The following PARD6G variants were observed in gnomAD, a reference collection of about 807,000 sequenced individuals.
PARD6G encodes the protein par-6 family cell polarity regulator gamma, also known as partitioning defective 6 homolog gamma.
A neutral mutation model predicts 10.7 loss-of-function variants in PARD6G; 7 were observed. That is an observed-to-expected ratio of 0.66 (90% CI 0.37 to 1.23). The LOEUF is 1.23. Ranked by LOEUF, PARD6G falls within the 50% of genes most tolerant of loss-of-function variation. The pLI is 0.02. For missense variants in PARD6G, 548 were observed against 571.8 expected, an observed-to-expected ratio of 0.96 and a Z score of 0.42; for synonymous variants, 287 against 269.4, an observed-to-expected ratio of 1.07 and a Z score of -0.64.
At chr18:80,170,161 A>G (rs919875243) in intron 2 of PARD6G, 2 of 152,284 alleles carry the variant, frequency 1.3e-5, no homozygotes, top group African/African-American at 4.8e-5. Context: ...TGCCAGAACA[A>G]TATTTCATTT....
intron 2 of PARD6G, among the ~76,000 whole-genome samples, chr18:80,164,200 G>A (rs2052719886): frequency 6.6e-6 from 1 of 152,210 alleles, no homozygotes; most frequent in Non-Finnish European, 1.5e-5. Context: ...CCTGGCTCTG[G>A]TGCCAGAGAG....
Position 80,160,068 on chromosome 18 carries a change from AC to A in PARD6G, c.833del (p.Gly278ValfsTer114), listed in dbSNP as rs1349544723. ...PPSDGTAGFV[G>X]PPAPRVLQNF... ...TCTGCAGGACGCGCGGGGCGGGGGG[AC>A]CCACGAAGCCCGCGGTGCCGTCCGA... On this transcript the variant is annotated frameshift_variant, in exon 3 of 3. Transcript: ENST00000353265. LOFTEE classifies it low-confidence loss of function (END_TRUNC). The A allele has an allele frequency of 6.4e-7, 1 of 1,567,128 alleles. No homozygotes were observed. Among genetic ancestry groups the A allele is most frequent in the East Asian group, 2.3e-5 (1 of 44,248 alleles).
chr18:80,243,193 GA>G (rs1171538536), intron 1 of PARD6G, among the ~76,000 whole-genome samples: 1 of 152,006 alleles, frequency 6.6e-6, no homozygotes, highest in Non-Finnish European at 1.5e-5. Flanking sequence ...GTTTACTGTG[GA>G]AAAAATTGGG....
intron 2 of PARD6G, chr18:80,176,001 G>A (rs2052805996): frequency 1.2e-5 from 2 of 167,436 alleles, no homozygotes; most frequent in African/African-American, 2.4e-5. Flanking sequence ...TCCTGAGGAG[G>A]TGGCTTCCAA....
In PARD6G at chr18:80,183,969, CTT is replaced by C. The variant is rs1466779936; in HGVS notation, c.295+18739_295+18740del. 5 of 152,182 alleles carry C rather than the reference CTT, an allele frequency of 3.3e-5. No individual in the cohort carries two copies. Among genetic ancestry groups the C allele is most frequent in the Admixed American group, 2.6e-4 (4 of 15,284 alleles). The allele number at this position is 152,182 out of a possible 1,614,324, so 9.4% of individuals were successfully genotyped here. ...CCACACTGTTAGAAGCATTTTAACT[CTT>C]GTTTTTACAAACTTTCTTTTTACAT... On this transcript the variant is annotated intron_variant, in intron 2 of 2. Transcript: ENST00000353265. This position sits in a 1 kb window ranked among gnomAD's most constrained non-coding sequence, Gnocchi z 4.5.
chr18:80,160,316 A>C lies in PARD6G; in HGVS notation c.586T>G (p.Ser196Ala), dbSNP rs1466383185. ...GLEKVPGIFISRMVPGGLAES... is the reference protein window; with the variant it reads ...GLEKVPGIFIARMVPGGLAES... ...GCCAGGCCCCCGGGTACCATGCGCGAGATGAAGATGCCGGGCACCTTCTCC... is the reference window on the plus strand; with the variant it reads ...GCCAGGCCCCCGGGTACCATGCGCGCGATGAAGATGCCGGGCACCTTCTCC... Residue 196 changes from serine (S) to alanine (A), a missense_variant, in exon 3 of 3, where the codon TCG (serine) becomes GCG (alanine). By Grantham distance (99) the Ser-to-Ala change is moderately conservative (BLOSUM62 1). This residue lies in a region of PARD6G where 235 missense variants were observed against 291.9 expected (regional missense o/e 0.81). Coordinates refer to ENST00000353265, the MANE Select transcript of PARD6G (RefSeq NM_032510.4). 1 of 1,612,048 alleles carries C rather than the reference A, an allele frequency of 6.2e-7. No homozygotes were observed. Among genetic ancestry groups the C allele is most frequent in the Non-Finnish European group, 8.5e-7 (1 of 1,179,824 alleles).
chr18:80,225,733 A>C (rs986216815), intron 1 of PARD6G, among the ~76,000 whole-genome samples: 1 of 152,236 alleles, frequency 6.6e-6, no homozygotes, highest in African/African-American at 2.4e-5. Flanking sequence ...TAGTTGGAGA[A>C]GCGTGGGAAA....
In PARD6G at chr18:80,161,142, G is replaced by A. The variant is rs1001249815; in HGVS notation, c.296-536C>T. On this transcript the variant is annotated intron_variant, in intron 2 of 2. Coordinates refer to ENST00000353265, the MANE Select transcript of PARD6G (RefSeq NM_032510.4). The surrounding 1 kb of genome is among the most constrained non-coding windows in gnomAD (Gnocchi z 4.6). ...GGCCCCTGAATGTGTCACTCAGTCG[G>A]GCGTGTGAGCATTTCCCTGCGTTTT... Among the ~76,000 whole-genome samples the A allele has an allele frequency of 1.1e-4, 17 of 152,118 alleles. No homozygotes were observed. Among genetic ancestry groups the A allele is most frequent in the Non-Finnish European group, 1.9e-4 (13 of 68,022 alleles).
At position 80,200,639 on chromosome 18, in the gene PARD6G, G is replaced by C. The variant is rs1467183989; in HGVS notation, c.295+2071C>G. On this transcript the variant is annotated intron_variant, in intron 2 of 2. Coordinates refer to ENST00000353265, the MANE Select transcript of PARD6G (RefSeq NM_032510.4). This position sits in a 1 kb window ranked among gnomAD's most constrained non-coding sequence, Gnocchi z 4.4. ...ACACGCTCACGCTATAACCACGAGA[G>C]ACTGAGAAACCCTGAGCCAGCTAGT... Among the ~76,000 whole-genome samples, 1 of 152,206 alleles carries C rather than the reference G, an allele frequency of 6.6e-6. No homozygotes were observed. The highest frequency in any genetic ancestry group is 1.5e-5 in the Non-Finnish European group (1 of 68,044).
chr18:80,157,575 G>T lies in PARD6G; in HGVS notation c.*2196C>A, dbSNP rs1341756998. The T allele has an allele frequency of 6.6e-6, 1 of 152,166 alleles. No individual in the cohort carries two copies. The highest frequency in any genetic ancestry group is 1.5e-5 in the Non-Finnish European group (1 of 68,038). The allele number at this position is 152,166 out of a possible 1,614,324, so 9.4% of individuals were successfully genotyped here. On this transcript the variant is annotated 3_prime_UTR_variant, in exon 3 of 3. Coordinates refer to ENST00000353265, the MANE Select transcript of PARD6G (RefSeq NM_032510.4). ...AACTTAGTAAAAGAACATTTCCTTT[G>T]TGAGGGTAACATTATTAGTTTTAGT...
rs1367963282 is a variant in PARD6G at position 80,228,663 on chromosome 18, G to A, written c.72+18614C>T. ...CCCACCTAAGGCCCCGCCCACTGAGGCCCCATCCCCTGCCCACAGACTGCG... is the reference window on the plus strand; with the variant it reads ...CCCACCTAAGGCCCCGCCCACTGAGACCCCATCCCCTGCCCACAGACTGCG... On this transcript the variant is annotated intron_variant, in intron 1 of 2. Transcript: ENST00000353265. The surrounding 1 kb of genome is among the most constrained non-coding windows in gnomAD (Gnocchi z 4.6). Among the ~76,000 whole-genome samples the A allele has an allele frequency of 6.7e-6, 1 of 149,798 alleles. No individual in the cohort carries two copies. Among genetic ancestry groups the A allele is most frequent in the Non-Finnish European group, 1.5e-5 (1 of 67,382 alleles).
intron 2 of PARD6G, among the ~76,000 whole-genome samples, chr18:80,199,560 A>G (rs766671180): frequency 1.3e-5 from 2 of 152,216 alleles, no homozygotes; most frequent in Non-Finnish European, 2.9e-5. Context: ...TTTTACATCT[A>G]CATTCATAAA....
rs556371392 is a variant in PARD6G, at chr18:80,246,728, G to C, written c.72+549C>G. 2.0e-5 allele frequency among the ~76,000 whole-genome samples: 3 copies of C among 152,162 alleles called. No individual in the cohort carries two copies. Among genetic ancestry groups the C allele is most frequent in the Non-Finnish European group, 2.9e-5 (2 of 67,954 alleles). On this transcript the variant is annotated intron_variant, in intron 1 of 2. Transcript: ENST00000353265. The surrounding 1 kb of genome is among the most constrained non-coding windows in gnomAD (Gnocchi z 6.7). ...CCGGGTGCGTGCTCTGGGTCTGCGC[G>C]GGGGAGCGCGCCTGGTGCCTAGATG...
rs982311719 is a variant in PARD6G at position 80,231,052 on chromosome 18, T to C, written c.72+16225A>G. On this transcript the variant is annotated intron_variant, in intron 1 of 2. Coordinates refer to ENST00000353265, the MANE Select transcript of PARD6G (RefSeq NM_032510.4). The surrounding 1 kb of genome is among the most constrained non-coding windows in gnomAD (Gnocchi z 4.2). ...GGGAGAGAGAATTCCAAATGGAAGG[T>C]CAGGGACAAGGGGTGCCCTTTGTGA... Among the ~76,000 whole-genome samples the C allele has an allele frequency of 5.9e-5, 9 of 152,008 alleles. No homozygotes were observed. Among genetic ancestry groups the C allele is most frequent in the Non-Finnish European group, 7.4e-5 (5 of 67,952 alleles).
chr18:80,177,826 C>T (rs935231895), intron 2 of PARD6G, among the ~76,000 whole-genome samples: 1 of 151,574 alleles, frequency 6.6e-6, no homozygotes, highest in African/African-American at 2.4e-5. Flanking sequence ...TGCAAACACA[C>T]ACAGGAAAAA....
rs542484375 is a variant in PARD6G, at chr18:80,231,666, T to C, written c.72+15611A>G. ...TCATCCCAGGGTTGTGGTGAGACTC[T>C]AATATGAACACATGTCCTGTGTTCA... is the stretch of plus-strand genomic sequence containing the variant. On this transcript the variant is annotated intron_variant, in intron 1 of 2. Transcript: ENST00000353265. This position sits in a 1 kb window ranked among gnomAD's most constrained non-coding sequence, Gnocchi z 4.2. Among the ~76,000 whole-genome samples, 18 of 152,280 alleles carry C rather than the reference T, an allele frequency of 1.2e-4. No homozygotes were observed. The South Asian group carries it at 2.7e-3, about 23-fold the overall frequency.
chr18:80,229,828 C>T (rs1199376114), intron 1 of PARD6G, among the ~76,000 whole-genome samples: 3 of 152,196 alleles, frequency 2.0e-5, no homozygotes. Context: ...TCCCATGGCA[C>T]AACCAAAGGA....
intron 1 of PARD6G, among the ~76,000 whole-genome samples, chr18:80,242,543 A>G (rs1967501550): frequency 6.6e-6 from 1 of 152,264 alleles, no homozygotes; most frequent in Admixed American, 6.5e-5. Flanking sequence ...CTGGCCAGCC[A>G]GTGCATCAGC....
At position 80,192,247 on chromosome 18, in the gene PARD6G, T is replaced by C. The variant is rs554138983; in HGVS notation, c.295+10463A>G. Among the ~76,000 whole-genome samples, 9 of 152,354 alleles carry C rather than the reference T, an allele frequency of 5.9e-5. No individual in the cohort carries two copies. The South Asian group carries it at 1.7e-3, about 28-fold the overall frequency. Reference sequence around the variant, plus strand: ...AACATCAATGAACACTCTCCTTCGGTGGTCTCTGAGTCGTCCCTGAGGTGG... The same window carrying C: ...AACATCAATGAACACTCTCCTTCGGCGGTCTCTGAGTCGTCCCTGAGGTGG... On this transcript the variant is annotated intron_variant, in intron 2 of 2. Transcript: ENST00000353265. The surrounding 1 kb of genome is among the most constrained non-coding windows in gnomAD (Gnocchi z 4.9).
Sources: allele counts gnomAD v4.1 joint callset (sites outside exome capture counted in the v4.1 genomes callset), GRCh38; gene constraint gnomAD v4.1.1; regional missense constraint gnomAD v4.1.1; non-coding constraint Gnocchi (gnomAD v3.1); transcripts MANE v1.5; gene names NCBI Gene and HGNC (gene_info 2026-07-23, HGNC 2026-07-21).